ZFHX3: variants seen among roughly 807,000 people sequenced by gnomAD.
ZFHX3 encodes the protein zinc finger homeobox 3.
Under a neutral mutation model 279.1 loss-of-function variants are expected in ZFHX3, and 42 were observed. The observed-to-expected ratio is 0.15, with a 90% CI of 0.12 to 0.19. The LOEUF (loss-of-function observed/expected upper bound fraction) is 0.19. Ranked by LOEUF, ZFHX3 falls within the 10% of genes least tolerant of loss-of-function variation. The pLI is 1.00. For synonymous variants in ZFHX3, 2,293 were observed against 1,957.8 expected (o/e 1.17, Z -4.52); for missense variants, 4,981 against 4,754.0 (o/e 1.05, Z -1.40).
chr16:73,289,435 G>C (rs1462251205), intron 4 of ZFHX3, among the ~76,000 whole-genome samples: 1 of 152,070 alleles, frequency 6.6e-6, no homozygotes, highest in Non-Finnish European at 1.5e-5. Flanking sequence ...AAGCCCAGCT[G>C]TGTGTTTTCA....
chr16:72,871,158 A>C (rs1249042433), intron 4 of ZFHX3, among the ~76,000 whole-genome samples: 1 of 152,110 alleles, frequency 6.6e-6, no homozygotes, highest in African/African-American at 2.4e-5. Context: ...ATAAGTCTGA[A>C]ATTATATCAA....
intron 5 of ZFHX3, among the ~76,000 whole-genome samples, chr16:72,827,672 C>T (rs748381473): frequency 6.6e-6 from 1 of 152,242 alleles, no homozygotes; most frequent in Admixed American, 6.5e-5. Flanking sequence ...CAAAGCCCCA[C>T]AGGAGGATAC....
At chr16:72,985,439 T>G (rs1962804074) in intron 1 of ZFHX3, among the ~76,000 whole-genome samples, 1 of 152,218 alleles carries the variant, frequency 6.6e-6, no homozygotes, top group Non-Finnish European at 1.5e-5. Context: ...GAAAGCCAGT[T>G]GCATAAGGGT....
chr16:73,217,723 G>T (rs978432213), intron 5 of ZFHX3, among the ~76,000 whole-genome samples: 13 of 152,160 alleles, frequency 8.5e-5, no homozygotes, highest in South Asian at 6.2e-4. Context: ...AGGATTAAAG[G>T]TTGTTTCTCT....
In ZFHX3 at chr16:73,197,224, C is replaced by G. The variant is rs557276947; in HGVS notation, c.-1103-53393G>C. Among the ~76,000 whole-genome samples the G allele has an allele frequency of 2.0e-4, 30 of 152,252 alleles. 1 individual carries two copies. The highest frequency in any genetic ancestry group is 5.2e-4 in the Admixed American group (8 of 15,296). On this transcript the variant is annotated intron_variant, in intron 5 of 17. Transcript: ENST00000641206. ...CCTCCTGTCTAAGCATTTCAAAGATCAAGATATATCAATTCATTACTGTGG... is the reference window on the plus strand; with the variant it reads ...CCTCCTGTCTAAGCATTTCAAAGATGAAGATATATCAATTCATTACTGTGG...
At chr16:73,328,482 T>G (rs2015736194) in intron 3 of ZFHX3, among the ~76,000 whole-genome samples, 1 of 152,232 alleles carries the variant, frequency 6.6e-6, no homozygotes. Context: ...CTTCATGACA[T>G]TTTAATGAGG....
chr16:73,767,238 T>C (rs2053960396), intron 1 of ZFHX3, among the ~76,000 whole-genome samples: 1 of 152,110 alleles, frequency 6.6e-6, no homozygotes, highest in Non-Finnish European at 1.5e-5. Context: ...CGCCCAGCCT[T>C]TGCCACTACT....
At chr16:72,876,493 G>A (rs967858564) in intron 4 of ZFHX3, among the ~76,000 whole-genome samples, 3 of 152,002 alleles carry the variant, frequency 2.0e-5, no homozygotes, top group African/African-American at 7.3e-5. Context: ...TCCTCCCCAC[G>A]AGGCATCGCC....
At chr16:73,804,228 A>G (rs1290339725) in intron 1 of ZFHX3, among the ~76,000 whole-genome samples, 1 of 152,200 alleles carries the variant, frequency 6.6e-6, no homozygotes, top group Non-Finnish European at 1.5e-5. Context: ...GAAGAGTGGA[A>G]CATTAGTTAC....
chr16:73,156,975 GT>G (rs1567405116), intron 5 of ZFHX3, among the ~76,000 whole-genome samples: 1 of 152,158 alleles, frequency 6.6e-6, no homozygotes, highest in Non-Finnish European at 1.5e-5. Context: ...GCCTCCCAAA[GT>G]GCTTGGATTG....
At chr16:72,956,410 C>A (rs976536257) in intron 2 of ZFHX3, among the ~76,000 whole-genome samples, 1 of 152,196 alleles carries the variant, frequency 6.6e-6, no homozygotes, top group South Asian at 2.1e-4. Context: ...TTGAAGCATA[C>A]CGGGTGGAGG....
chr16:73,246,433 G>A (rs1219034198), intron 5 of ZFHX3, among the ~76,000 whole-genome samples: 2 of 152,178 alleles, frequency 1.3e-5, no homozygotes, highest in African/African-American at 4.8e-5. Context: ...GTGGGTAATG[G>A]TTCAGAATCC....
intron 2 of ZFHX3, among the ~76,000 whole-genome samples, chr16:73,650,994 C>T (rs538967255): frequency 4.6e-5 from 7 of 152,060 alleles, no homozygotes; most frequent in East Asian, 3.9e-4. Context: ...AAGACACTTA[C>T]GATTATCAAG....
At chr16:72,952,971 C>T (rs993469981) in intron 2 of ZFHX3, among the ~76,000 whole-genome samples, 10 of 152,188 alleles carry the variant, frequency 6.6e-5, no homozygotes, top group African/African-American at 1.4e-4. Context: ...TGTGGTTGGG[C>T]TGAGGTTATT....
chr16:73,120,196 C>T (rs1966479749), intron 7 of ZFHX3, among the ~76,000 whole-genome samples: 1 of 152,072 alleles, frequency 6.6e-6, no homozygotes, highest in African/African-American at 2.4e-5. Context: ...CATTTCTAGT[C>T]CTGCCCCTTG....
In ZFHX3 at chr16:72,793,547, G is replaced by T. The variant is rs2035788096; in HGVS notation, c.9135C>A (p.Ser3045=). The T allele has an allele frequency of 6.2e-7, 1 of 1,614,056 alleles. No homozygotes were observed. The highest frequency in any genetic ancestry group is 8.5e-7 in the Non-Finnish European group (1 of 1,180,042). Residue 3045 remains serine, a synonymous_variant, in exon 9 of 10, where the codon TCC becomes TCA. Transcript: ENST00000268489. The surrounding 1 kb of genome is among the most constrained non-coding windows in gnomAD (Gnocchi z 4.3). The stretch of plus-strand genomic sequence containing the variant: ...CTTTAACTTTGGAGATATGCTGTTG[G>T]GAAAAGATATGGTCACGTACAGACA... ...ARLSVRDHIF[S]QQHISKVKDT... is the part of the protein sequence containing the mutation.
intron 1 of ZFHX3, among the ~76,000 whole-genome samples, chr16:73,754,951 G>A (rs1417267176): frequency 1.3e-5 from 2 of 152,014 alleles, no homozygotes; most frequent in Non-Finnish European, 2.9e-5. Context: ...ATAACTTATT[G>A]AAAGTTTACT....
chr16:73,725,532 T>TGTGA (rs10662418), intron 1 of ZFHX3, among the ~76,000 whole-genome samples: 101,582 of 147,504 alleles, frequency 0.69, 36,047 homozygotes, highest in Middle Eastern at 0.8. Context: ...AGAGTGTGAG[T>TGTGA]GTGAGTGAGT....
chr16:72,854,168 T>C (rs1394996505), intron 4 of ZFHX3, among the ~76,000 whole-genome samples: 2 of 152,210 alleles, frequency 1.3e-5, no homozygotes. Flanking sequence ...TTCTATGCCA[T>C]AAAGATACTA....
Sources: allele counts gnomAD v4.1 joint callset (sites outside exome capture counted in the v4.1 genomes callset), GRCh38; gene constraint gnomAD v4.1.1; non-coding constraint Gnocchi (gnomAD v3.1); transcripts MANE v1.5; gene names NCBI Gene and HGNC (gene_info 2026-07-23, HGNC 2026-07-21).